The following DPP6 variants were observed in gnomAD, a reference collection of about 807,000 sequenced individuals.
DPP6 encodes the protein dipeptidyl peptidase like 6.
In DPP6, 69 loss-of-function variants were observed where a neutral mutation model predicts 122.6. The ratio of observed to expected loss-of-function variants is 0.56; its 90% CI spans 0.46 to 0.69. The LOEUF (loss-of-function observed/expected upper bound fraction) is 0.69, where lower values mean the gene tolerates loss of function less well. Ranked by LOEUF, DPP6 falls within the 30% of genes least tolerant of loss-of-function variation. The pLI is 0.00. For missense variants in DPP6, 928 were observed against 1,116.9 expected, an observed-to-expected ratio of 0.83 and a Z score of 2.41; for synonymous variants, 418 against 433.1, an observed-to-expected ratio of 0.97 and a Z score of 0.43.
intron 19 of DPP6, among the ~76,000 whole-genome samples, chr7:154,873,914 ACACACATGCACACACCCACATGTG>A (rs1804615070): frequency 6.6e-6 from 1 of 150,432 alleles, no homozygotes; most frequent in Admixed American, 6.6e-5. Context: ...ACATAGGCAC[ACACACATGCACACACCCACATGTG>A]CACACATGCA....
chr7:154,306,011 G>C (rs905129387), intron 1 of DPP6, among the ~76,000 whole-genome samples: 1 of 152,190 alleles, frequency 6.6e-6, no homozygotes, highest in Non-Finnish European at 1.5e-5. Context: ...TTGGTTCTAA[G>C]ACAAGTCAAA....
chr7:153,914,194 T>G (rs928665213), intron 1 of DPP6, among the ~76,000 whole-genome samples: 8 of 152,190 alleles, frequency 5.3e-5, no homozygotes, highest in Non-Finnish European at 7.3e-5. Context: ...GGGCAGAGTT[T>G]CCCTGCACAA....
chr7:153,964,822 C>CTTTCCTTTCCTTTTCCTTTTCCT (rs1554420643), intron 1 of DPP6, among the ~76,000 whole-genome samples: 16 of 41,214 alleles, frequency 3.9e-4, no homozygotes, highest in African/African-American at 1.5e-3. Context: ...CTTTCCTTTC[C>CTTTCCTTTCCTTTTCCTTTTCCT]TTTCCTTTTC....
chr7:154,508,094 G>A (rs764133712), intron 3 of DPP6, among the ~76,000 whole-genome samples: 8 of 152,220 alleles, frequency 5.3e-5, no homozygotes, highest in Non-Finnish European at 8.8e-5. Context: ...TATATATAGC[G>A]TCTATTTCCC....
chr7:154,757,193 T>C (rs1200150362), intron 8 of DPP6, among the ~76,000 whole-genome samples: 39 of 105,758 alleles, frequency 3.7e-4, no homozygotes, highest in African/African-American at 5.7e-4. Flanking sequence ...TCCCTCACGT[T>C]CCCTGAGGAA....
chr7:154,281,421 C>T (rs1333536878), intron 1 of DPP6, among the ~76,000 whole-genome samples: 1 of 152,142 alleles, frequency 6.6e-6, no homozygotes, highest in Non-Finnish European at 1.5e-5. Context: ...CTGTGTCTTC[C>T]TTGAATTGTC....
intron 10 of DPP6, among the ~76,000 whole-genome samples, chr7:154,779,307 C>T (rs112561073): frequency 2.0e-5 from 3 of 149,196 alleles, no homozygotes; most frequent in Non-Finnish European, 3.0e-5. Flanking sequence ...ATCACCACCA[C>T]CCCCACCATC....
At chr7:154,476,334 G>C (rs1177411406) in intron 3 of DPP6, among the ~76,000 whole-genome samples, 1 of 152,202 alleles carries the variant, frequency 6.6e-6, no homozygotes, top group East Asian at 1.9e-4. Flanking sequence ...AGGTCTTTTT[G>C]TTTGGTGGAG....
chr7:154,767,320 G>A (rs895813249), intron 8 of DPP6, among the ~76,000 whole-genome samples: 6 of 152,136 alleles, frequency 3.9e-5, no homozygotes, highest in East Asian at 1.9e-4. Context: ...CAGCGCAGAC[G>A]TGATTGAGCA....
chr7:154,112,129 A>G (rs1395744652), intron 1 of DPP6, among the ~76,000 whole-genome samples: 1 of 152,188 alleles, frequency 6.6e-6, no homozygotes, highest in Non-Finnish European at 1.5e-5. Flanking sequence ...TCTGAAGCCA[A>G]ACAAACTTAG....
chr7:153,888,370 G>C (rs896335254), intron 1 of DPP6, among the ~76,000 whole-genome samples: 2 of 152,234 alleles, frequency 1.3e-5, no homozygotes, highest in Non-Finnish European at 2.9e-5. Context: ...AAACGCGGCT[G>C]GTCCGCGGAA....
intron 6 of DPP6, among the ~76,000 whole-genome samples, chr7:154,643,790 G>C (rs1240991070): frequency 6.6e-6 from 1 of 152,150 alleles, no homozygotes; most frequent in Non-Finnish European, 1.5e-5. Flanking sequence ...AGAAGGAGGG[G>C]AGGGTTGAAG....
At chr7:154,257,306 C>A (rs1802720338) in intron 1 of DPP6, among the ~76,000 whole-genome samples, 1 of 152,022 alleles carries the variant, frequency 6.6e-6, no homozygotes, top group Non-Finnish European at 1.5e-5. Flanking sequence ...ATTTGCTCTC[C>A]TCTCCAACCA....
intron 1 of DPP6, among the ~76,000 whole-genome samples, chr7:154,022,831 C>T (rs1278302557): frequency 6.6e-6 from 1 of 152,202 alleles, no homozygotes; most frequent in East Asian, 1.9e-4. Flanking sequence ...AGATTGTGGT[C>T]TTGCACTAGG....
rs1287045945 is a variant in DPP6, at chr7:154,889,333, C to A, written c.2366C>A (p.Pro789His). 2 of 1,612,910 alleles carry A rather than the reference C, an allele frequency of 1.2e-6. No homozygotes were observed. The change falls in exon 24 of 26, where the codon CCC (proline) becomes CAC (histidine). Residue 789 changes from proline to histidine, a missense_variant. Transcript: ENST00000377770. The part of the protein sequence containing the change: ...LEEQQFLIIH[P>H]TADEKIHFQH... Reference sequence around the variant, plus strand: ...GAACAGCAGTTCCTGATCATTCATCCCACTGCCGATGGTAAGGACTGAAAA... The same window carrying A: ...GAACAGCAGTTCCTGATCATTCATCACACTGCCGATGGTAAGGACTGAAAA...
intron 1 of DPP6, among the ~76,000 whole-genome samples, chr7:154,351,838 G>C (rs1461838080): frequency 6.6e-6 from 1 of 152,164 alleles, no homozygotes; most frequent in Non-Finnish European, 1.5e-5. Flanking sequence ...CTGAGCACCG[G>C]CTTGTCTCAA....
intron 1 of DPP6, among the ~76,000 whole-genome samples, chr7:154,210,782 G>A (rs1799696379): frequency 6.6e-6 from 1 of 151,630 alleles, no homozygotes; most frequent in Non-Finnish European, 1.5e-5. Context: ...CCTAGAAAGA[G>A]CAAGTTATCT....
chr7:154,853,947 T>A, intron 17 of DPP6, 120 bp downstream of exon 17: 1 of 1,379,296 alleles, frequency 7.3e-7, no homozygotes. Context: ...AGTCATGTCC[T>A]AGCAGTTCAG....
At chr7:154,175,877 G>A (rs1039766819) in intron 1 of DPP6, among the ~76,000 whole-genome samples, 3 of 151,960 alleles carry the variant, frequency 2.0e-5, no homozygotes, top group Non-Finnish European at 4.4e-5. Context: ...TAGTAGAGAC[G>A]GAGTTTCGTC....
Sources: allele counts gnomAD v4.1 joint callset (sites outside exome capture counted in the v4.1 genomes callset), GRCh38; gene constraint gnomAD v4.1.1; transcripts MANE v1.5; gene names NCBI Gene and HGNC (gene_info 2026-07-23, HGNC 2026-07-21).